COL19A1: variants seen among roughly 807,000 people sequenced by gnomAD.
The protein encoded by COL19A1 is collagen alpha-1(XIX) chain.
In COL19A1, 159 loss-of-function variants were observed where a neutral mutation model predicts 190.2. The ratio of observed to expected loss-of-function variants is 0.84; its 90% CI spans 0.73 to 0.95. The LOEUF is 0.95. Ranked by LOEUF, COL19A1 falls within the 40% of genes least tolerant of loss-of-function variation. COL19A1 has a pLI of 0.00. For missense variants in COL19A1, 1,418 were observed against 1,431.9 expected (o/e 0.99, Z 0.16); for synonymous variants, 509 against 458.9 (o/e 1.11, Z -1.39).
intron 6 of COL19A1, among the ~76,000 whole-genome samples, chr6:69,931,598 CAT>C (rs1175079758): frequency 1.3e-5 from 2 of 152,052 alleles, no homozygotes; most frequent in African/African-American, 2.4e-5. Context: ...CTAAATAATT[CAT>C]ATGTTACTGC....
chr6:70,141,256 A>G (rs1786231420), intron 20 of COL19A1, among the ~76,000 whole-genome samples: 1 of 152,120 alleles, frequency 6.6e-6, no homozygotes, highest in Non-Finnish European at 1.5e-5. Flanking sequence ...GTGATTGGAC[A>G]TGAATGTTAT....
At chr6:69,867,657 G>A (rs1767558629) in intron 1 of COL19A1, 1 of 152,340 alleles carries the variant, frequency 6.6e-6, no homozygotes, top group African/African-American at 2.4e-5. Context: ...CCCCCTTAGA[G>A]GTTACGGAGG....
intron 14 of COL19A1, among the ~76,000 whole-genome samples, chr6:70,037,211 A>G (rs1582746529): frequency 6.6e-6 from 1 of 152,264 alleles, no homozygotes; most frequent in South Asian, 2.1e-4. Flanking sequence ...GCTGGAGTAC[A>G]GTGGCACGAT....
At chr6:70,102,126 A>G (rs747968616) in intron 15 of COL19A1, 43 bp from the exon 16 acceptor site, 6 of 1,418,804 alleles carry the variant, frequency 4.2e-6, no homozygotes, top group Non-Finnish European at 5.0e-6. Context: ...TTAAAATATA[A>G]TGGAGTCACA....
At chr6:70,081,839 A>T (rs1245143466) in intron 15 of COL19A1, among the ~76,000 whole-genome samples, 1 of 151,164 alleles carries the variant, frequency 6.6e-6, no homozygotes, top group East Asian at 1.9e-4. Context: ...AAATTTGAAT[A>T]GTTTTATAGA....
intron 9 of COL19A1, among the ~76,000 whole-genome samples, chr6:69,948,131 G>A (rs981631555): frequency 2.0e-5 from 3 of 151,784 alleles, no homozygotes; most frequent in African/African-American, 7.3e-5. Flanking sequence ...TTTCTAAAAT[G>A]CATCACAATA....
chr6:70,196,110 C>G (rs545611770), intron 48 of COL19A1, among the ~76,000 whole-genome samples: 76 of 152,188 alleles, frequency 5.0e-4, no homozygotes, highest in African/African-American at 1.7e-3. Flanking sequence ...AAATATGAAT[C>G]CACCAAATGA....
intron 27 of COL19A1, 43 bp downstream of exon 27, chr6:70,146,932 G>A (rs778848909): frequency 1.3e-6 from 2 of 1,497,180 alleles, no homozygotes; most frequent in African/African-American, 2.8e-5. Flanking sequence ...CCAACATTGT[G>A]AAACAAAATC....
At chr6:70,106,330 G>A (rs9454972) in intron 16 of COL19A1, among the ~76,000 whole-genome samples, 10,298 of 29,520 alleles carry the variant, frequency 0.35, 1,095 homozygotes, top group African/African-American at 0.55. Context: ...AAGTGTGTGC[G>A]TGTGTGTGTG....
intron 44 of COL19A1, 103 bp from the exon 45 acceptor site, chr6:70,184,600 A>T: frequency 1.1e-6 from 1 of 883,866 alleles, no homozygotes; most frequent in South Asian, 1.8e-5. Flanking sequence ...CCAAGCTCTC[A>T]GTAGAAATAT....
At chr6:70,199,813 A>T (rs1461253404) in intron 49 of COL19A1, 77 bp downstream of exon 49, 4 of 1,432,124 alleles carry the variant, frequency 2.8e-6, no homozygotes, top group Admixed American at 2.1e-5. Flanking sequence ...CAGTTAAGGA[A>T]AAAAGTATGT....
intron 33 of COL19A1, 28 bp downstream of exon 33, chr6:70,156,397 C>G: frequency 6.2e-7 from 1 of 1,604,784 alleles, no homozygotes; most frequent in African/African-American, 1.3e-5. Context: ...CCACTTTCCC[C>G]TGTGGGAACC....
chr6:70,113,842 C>CTTTTTTTTTTT (rs34876942), intron 16 of COL19A1, among the ~76,000 whole-genome samples: 1 of 64,138 alleles, frequency 1.6e-5, no homozygotes, highest in Non-Finnish European at 2.6e-5. Flanking sequence ...CCAAGTCTTT[C>CTTTTTTTTTTT]TTTTTTTTTT....
At position 70,212,334 on chromosome 6, in the gene COL19A1, G is replaced by A. The variant is rs1023333537; in HGVS notation, c.*5060G>A. 6.6e-6 allele frequency among the ~76,000 whole-genome samples: 1 copy of A among 152,078 alleles called. No individual in the cohort carries two copies. Among genetic ancestry groups the A allele is most frequent in the Non-Finnish European group, 1.5e-5 (1 of 68,030 alleles). Reference sequence around the variant, plus strand: ...ATTTAATTGAATATACTCATGTTAAGTGCAATGGCATTAGTTTTATTCAAA... The same window carrying A: ...ATTTAATTGAATATACTCATGTTAAATGCAATGGCATTAGTTTTATTCAAA... On this transcript the variant is annotated 3_prime_UTR_variant, in exon 51 of 51. Coordinates refer to ENST00000620364, the MANE Select transcript of COL19A1 (RefSeq NM_001858.6).
chr6:69,942,877 T>A (rs1773564306), intron 9 of COL19A1, among the ~76,000 whole-genome samples: 1 of 152,088 alleles, frequency 6.6e-6, no homozygotes, highest in Non-Finnish European at 1.5e-5. Flanking sequence ...TTCAGTTATC[T>A]TTTCACCATA....
At chr6:69,971,232 A>G (rs932091742) in intron 11 of COL19A1, among the ~76,000 whole-genome samples, 2 of 152,252 alleles carry the variant, frequency 1.3e-5, no homozygotes, top group African/African-American at 4.8e-5. Flanking sequence ...TAATGATTGC[A>G]TAATATTTCA....
At chr6:69,871,952 G>A (rs1397737148) in intron 1 of COL19A1, among the ~76,000 whole-genome samples, 4 of 151,782 alleles carry the variant, frequency 2.6e-5, no homozygotes. Flanking sequence ...GAGTAGCTGG[G>A]ACTACAGGTG....
Position 70,210,611 on chromosome 6 carries a change from A to G in COL19A1, c.*3337A>G, listed in dbSNP as rs536134334. On this transcript the variant is annotated 3_prime_UTR_variant, in exon 51 of 51. Transcript: ENST00000620364. ...GAATCTGTTTTATGAGTTAGGTAAGATTTAGCCTTTCTGCAGTCTGTCTCA... is the reference window on the plus strand; with the variant it reads ...GAATCTGTTTTATGAGTTAGGTAAGGTTTAGCCTTTCTGCAGTCTGTCTCA... 6.6e-4 allele frequency among the ~76,000 whole-genome samples: 101 copies of G among 152,128 alleles called. No homozygotes were observed. Among genetic ancestry groups the G allele is most frequent in the Non-Finnish European group, 1.3e-3 (85 of 67,980 alleles).
At chr6:70,183,290 G>C (rs189755015) in intron 44 of COL19A1, among the ~76,000 whole-genome samples, 3 of 152,232 alleles carry the variant, frequency 2.0e-5, no homozygotes, top group East Asian at 3.9e-4. Flanking sequence ...CAGGAAAGGG[G>C]CTCTGCCAGG....
Sources: allele counts gnomAD v4.1 joint callset (sites outside exome capture counted in the v4.1 genomes callset), GRCh38; gene constraint gnomAD v4.1.1; transcripts MANE v1.5; gene names NCBI Gene and HGNC (gene_info 2026-07-23, HGNC 2026-07-21).